The following KCNMA1 variants were observed in gnomAD, a reference collection of about 807,000 sequenced individuals.
KCNMA1 encodes potassium calcium-activated channel subfamily M alpha 1.
Under a neutral mutation model 140.0 loss-of-function variants are expected in KCNMA1, and 29 were observed. The observed-to-expected ratio is 0.21, with a 90% CI of 0.15 to 0.28. The LOEUF (loss-of-function observed/expected upper bound fraction) is 0.28, where lower values mean the gene tolerates loss of function less well. Among genes scored for constraint, KCNMA1 ranks in the 10% least tolerant of loss-of-function variants. The pLI, the probability that KCNMA1 is intolerant of heterozygous loss-of-function variation, is 1.00. For synonymous variants in KCNMA1, 612 were observed against 611.9 expected, an observed-to-expected ratio of 1.00 and a Z score of 0.00; for missense variants, 880 against 1,602.2, an observed-to-expected ratio of 0.55 and a Z score of 7.70.
At chr10:77,219,888 A>G (rs1323366406) in intron 3 of KCNMA1, among the ~76,000 whole-genome samples, 1 of 152,220 alleles carries the variant, frequency 6.6e-6, no homozygotes, top group Non-Finnish European at 1.5e-5. Flanking sequence ...ACACTGGCTG[A>G]GCAGTCATGC....
intron 2 of KCNMA1, among the ~76,000 whole-genome samples, chr10:77,316,683 C>A (rs2080980691): frequency 6.6e-6 from 1 of 152,156 alleles, no homozygotes; most frequent in African/African-American, 2.4e-5. Context: ...ACCACCTCAG[C>A]CAATAATTTT....
chr10:76,892,598 G>A (rs1016927135), intron 25 of KCNMA1, among the ~76,000 whole-genome samples: 18 of 152,180 alleles, frequency 1.2e-4, no homozygotes, highest in African/African-American at 4.1e-4. Flanking sequence ...TGGCTTTTGA[G>A]GATGCACTTT....
At chr10:77,079,054 T>C (rs952887411) in intron 13 of KCNMA1, among the ~76,000 whole-genome samples, 4 of 152,142 alleles carry the variant, frequency 2.6e-5, no homozygotes, top group Non-Finnish European at 4.4e-5. Flanking sequence ...GCAGATCACC[T>C]GAGGTTGGGA....
rs115179959 is a variant in KCNMA1 at position 77,457,834 on chromosome 10, C to A, written c.379-53811G>T. ...GGGCTGGGAAAACCCATGTTGCCTG[C>A]GAGTGCAGTGCCTCCATCCTGTCTG... On this transcript the variant is annotated intron_variant, in intron 1 of 27. Coordinates refer to ENST00000286628, the MANE Select transcript of KCNMA1 (RefSeq NM_001161352.2). 7.2e-3 allele frequency among the ~76,000 whole-genome samples: 1,090 copies of A among 152,160 alleles called. 14 individuals are homozygous for A. The highest frequency in any genetic ancestry group is 0.034 in the Middle Eastern group (10 of 294).
chr10:77,389,313 G>A (rs887172498), intron 2 of KCNMA1, among the ~76,000 whole-genome samples: 1 of 152,088 alleles, frequency 6.6e-6, no homozygotes, highest in Non-Finnish European at 1.5e-5. Context: ...ATGTTTCCTC[G>A]ATCCTCAGCC....
chr10:77,517,876 C>T (rs1412638897), intron 1 of KCNMA1, among the ~76,000 whole-genome samples: 1 of 152,138 alleles, frequency 6.6e-6, no homozygotes, highest in Non-Finnish European at 1.5e-5. Context: ...ATAAGCCAAA[C>T]TGATAAGAGA....
chr10:77,556,872 T>G (rs1205549053), intron 1 of KCNMA1, among the ~76,000 whole-genome samples: 4 of 152,186 alleles, frequency 2.6e-5, no homozygotes, highest in African/African-American at 9.7e-5. Context: ...CTCCGGCCCA[T>G]CAATCACAAG....
At chr10:77,405,860 G>T (rs2096455841) in intron 1 of KCNMA1, among the ~76,000 whole-genome samples, 1 of 152,306 alleles carries the variant, frequency 6.6e-6, no homozygotes, top group South Asian at 2.1e-4. Flanking sequence ...GGAGGCAGGT[G>T]GGGAGGGTGC....
Position 76,887,006 on chromosome 10 carries a change from T to C in KCNMA1, c.*260A>G, listed in dbSNP as rs1263628865. Reference sequence around the variant, plus strand: ...GTTCCTGCAGTGAGCTATTTATGTCTGGAGCATGCCTTTGGGTTATTTTTC... The same window carrying C: ...GTTCCTGCAGTGAGCTATTTATGTCCGGAGCATGCCTTTGGGTTATTTTTC... On this transcript the variant is annotated 3_prime_UTR_variant, in exon 28 of 28. Transcript: ENST00000286628. 3.8e-6 allele frequency: 5 copies of C among 1,316,196 alleles called. No individual in the cohort carries two copies. Among genetic ancestry groups the C allele is most frequent in the Non-Finnish European group, 4.9e-6 (5 of 1,023,250 alleles). The allele number at this position is 1,316,196 out of a possible 1,614,324, so 81.5% of individuals were successfully genotyped here.
chr10:77,018,926 T>C (rs2092506063), intron 17 of KCNMA1, 87 bp downstream of exon 17: 2 of 770,524 alleles, frequency 2.6e-6, no homozygotes, highest in Non-Finnish European at 2.4e-6. Context: ...TTAAGGAGTT[T>C]TGGGGTTATG....
intron 19 of KCNMA1, among the ~76,000 whole-genome samples, chr10:76,973,529 T>C (rs1044640381): frequency 1.3e-5 from 2 of 152,228 alleles, no homozygotes; most frequent in African/African-American, 2.4e-5. Context: ...TGTTTGCTTA[T>C]ACTTGACTAA....
At chr10:77,098,806 G>C (rs1279556283) in intron 9 of KCNMA1, among the ~76,000 whole-genome samples, 1 of 151,622 alleles carries the variant, frequency 6.6e-6, no homozygotes, top group Non-Finnish European at 1.5e-5. Context: ...GCTTTCTTCA[G>C]TAAGCAATTC....
At chr10:76,883,721 GTT>G (rs113872996), downstream of KCNMA1, among the ~76,000 whole-genome samples, 678 of 113,172 alleles carry the variant, frequency 6.0e-3, 1 homozygote, top group African/African-American at 0.01. Context: ...TTACTTCCTT[GTT>G]TTTTTTTTTT....
chr10:76,942,658 G>A (rs1190208113), intron 23 of KCNMA1, among the ~76,000 whole-genome samples: 1 of 152,146 alleles, frequency 6.6e-6, no homozygotes, highest in Non-Finnish European at 1.5e-5. Context: ...GAACTGGAAG[G>A]AACAACTATA....
intron 23 of KCNMA1, among the ~76,000 whole-genome samples, chr10:76,922,052 C>T (rs949610671): frequency 7.9e-5 from 12 of 152,134 alleles, no homozygotes; most frequent in Non-Finnish European, 1.2e-4. Flanking sequence ...AGGAGGGAAG[C>T]GGGGAAATGC....
intron 19 of KCNMA1, among the ~76,000 whole-genome samples, chr10:76,979,056 C>T (rs1592622460): frequency 6.6e-6 from 1 of 152,146 alleles, no homozygotes; most frequent in East Asian, 1.9e-4. Flanking sequence ...GCTTCTCTCA[C>T]CTCGCCCAAT....
chr10:77,516,665 C>A (rs2154549494), intron 1 of KCNMA1, among the ~76,000 whole-genome samples: 1 of 152,378 alleles, frequency 6.6e-6, no homozygotes, highest in East Asian at 1.9e-4. Flanking sequence ...TCTGCCTCCT[C>A]CTTTGCACGG....
chr10:77,625,921 T>C (rs1243680236), intron 1 of KCNMA1, among the ~76,000 whole-genome samples: 1 of 152,206 alleles, frequency 6.6e-6, no homozygotes, highest in Non-Finnish European at 1.5e-5. Context: ...TTTGAGAAAC[T>C]GCCATACTGC....
chr10:77,236,945 G>A (rs477597), intron 3 of KCNMA1, among the ~76,000 whole-genome samples: 62,261 of 152,128 alleles, frequency 0.41, 14,212 homozygotes, highest in East Asian at 0.78. Context: ...ATGCCCAGCT[G>A]TGTCATCTTT....
Sources: allele counts gnomAD v4.1 joint callset (sites outside exome capture counted in the v4.1 genomes callset), GRCh38; gene constraint gnomAD v4.1.1; transcripts MANE v1.5; gene names NCBI Gene and HGNC (gene_info 2026-07-23, HGNC 2026-07-21).